The following SEMA5A variants were observed in gnomAD, a reference collection of about 807,000 sequenced individuals.
SEMA5A encodes the protein semaphorin-5A.
SEMA5A carries 55 observed loss-of-function variants against 135.5 expected under a neutral mutation model. That is an observed-to-expected ratio of 0.41 (90% CI 0.33 to 0.51). SEMA5A has a LOEUF of 0.51. Ranked by LOEUF, SEMA5A falls within the 20% of genes least tolerant of loss-of-function variation. The pLI is 0.37. For missense variants in SEMA5A, 1,290 were observed against 1,419.9 expected, an observed-to-expected ratio of 0.91 and a Z score of 1.47; for synonymous variants, 580 against 546.5, an observed-to-expected ratio of 1.06 and a Z score of -0.85.
intron 3 of SEMA5A, among the ~76,000 whole-genome samples, chr5:9,342,535 G>A (rs375886792): frequency 6.6e-6 from 1 of 152,284 alleles, no homozygotes; most frequent in African/African-American, 2.4e-5. Flanking sequence ...GGGGCCAGGG[G>A]ACGGTGGGTA....
At chr5:9,120,506 A>T (rs1223889870) in intron 14 of SEMA5A, among the ~76,000 whole-genome samples, 1 of 152,182 alleles carries the variant, frequency 6.6e-6, no homozygotes, top group African/African-American at 2.4e-5. Flanking sequence ...TAATAATATA[A>T]CCAAAATTAT....
chr5:9,355,584 C>G (rs139527379), intron 3 of SEMA5A, among the ~76,000 whole-genome samples: 66 of 152,182 alleles, frequency 4.3e-4, no homozygotes, highest in African/African-American at 1.5e-3. Flanking sequence ...ATAGTTCTTT[C>G]CTGGATGTCT....
At chr5:9,077,341 G>C (rs1413752954) in intron 16 of SEMA5A, among the ~76,000 whole-genome samples, 2 of 152,134 alleles carry the variant, frequency 1.3e-5, no homozygotes, top group Non-Finnish European at 2.9e-5. Flanking sequence ...GACAAACTCA[G>C]TATACGCTAG....
At chr5:9,212,821 C>T (rs2075245624) in intron 8 of SEMA5A, among the ~76,000 whole-genome samples, 2 of 152,158 alleles carry the variant, frequency 1.3e-5, no homozygotes, top group South Asian at 2.1e-4. Flanking sequence ...AGAGCCCCTG[C>T]CCTTAAGGAA....
intron 2 of SEMA5A, among the ~76,000 whole-genome samples, chr5:9,397,358 G>C (rs972433585): frequency 6.6e-6 from 1 of 152,328 alleles, no homozygotes; most frequent in East Asian, 1.9e-4. Flanking sequence ...TTCCAGCTCA[G>C]CCACTTCCTG....
At chr5:9,056,998 A>T (rs1736928926) in intron 18 of SEMA5A, among the ~76,000 whole-genome samples, 2 of 152,230 alleles carry the variant, frequency 1.3e-5, no homozygotes, top group Admixed American at 6.5e-5. Context: ...AGGGGAGGAC[A>T]TTATGCTATG....
intron 16 of SEMA5A, among the ~76,000 whole-genome samples, chr5:9,106,836 A>G (rs183339885): frequency 2.0e-5 from 3 of 152,342 alleles, no homozygotes; most frequent in Admixed American, 2.0e-4. Flanking sequence ...GCTGATCTGG[A>G]AAGAAGTGTC....
intron 11 of SEMA5A, among the ~76,000 whole-genome samples, chr5:9,180,901 G>A (rs1330255170): frequency 6.6e-6 from 1 of 152,160 alleles, no homozygotes; most frequent in Non-Finnish European, 1.5e-5. Flanking sequence ...AACATTGTTT[G>A]TCTTTTCTAC....
chr5:9,538,345 T>C (rs1446758707), intron 1 of SEMA5A, among the ~76,000 whole-genome samples: 1 of 152,144 alleles, frequency 6.6e-6, no homozygotes, highest in East Asian at 1.9e-4. Flanking sequence ...AACTCTGCAT[T>C]CTGCCACTGG....
intron 11 of SEMA5A, among the ~76,000 whole-genome samples, chr5:9,164,026 ATATT>A (rs1447425947): frequency 7.0e-6 from 1 of 143,450 alleles, no homozygotes; most frequent in Non-Finnish European, 1.5e-5. Context: ...TATAATATAA[ATATT>A]TATATAATAT....
intron 5 of SEMA5A, among the ~76,000 whole-genome samples, chr5:9,289,696 T>C (rs1750983325): frequency 6.6e-6 from 1 of 152,014 alleles, no homozygotes; most frequent in African/African-American, 2.4e-5. Context: ...ATTACATCAT[T>C]GGCTGTTTTT....
intron 5 of SEMA5A, among the ~76,000 whole-genome samples, chr5:9,301,403 A>C (rs1351723951): frequency 4.6e-5 from 7 of 152,196 alleles, no homozygotes; most frequent in Admixed American, 6.5e-5. Context: ...CAAGCCCTTC[A>C]GGCTCTCTGG....
chr5:9,353,626 A>C (rs1424189864), intron 3 of SEMA5A, among the ~76,000 whole-genome samples: 1 of 152,150 alleles, frequency 6.6e-6, no homozygotes, highest in East Asian at 1.9e-4. Context: ...AATAAGGAGG[A>C]GCACTTCCAC....
At chr5:9,426,276 T>C (rs1188126396) in intron 2 of SEMA5A, among the ~76,000 whole-genome samples, 2 of 151,596 alleles carry the variant, frequency 1.3e-5, no homozygotes, top group East Asian at 3.9e-4. Context: ...ATACAAAAAA[T>C]TAGCCTGGCG....
At position 9,054,122 on chromosome 5, in the gene SEMA5A, G is replaced by A. The variant is rs976131455; in HGVS notation, c.2654C>T (p.Thr885Ile). 6.2e-7 allele frequency: 1 copy of A among 1,613,554 alleles called. No individual in the cohort carries two copies. The highest frequency in any genetic ancestry group is 8.5e-7 in the Non-Finnish European group (1 of 1,179,844). The change falls in exon 19 of 23, where the codon ACA becomes ATA. Residue 885 changes from threonine to isoleucine, a missense_variant. Thr to Ile is a moderately conservative substitution (Grantham distance 89). Coordinates refer to ENST00000382496, the MANE Select transcript of SEMA5A (RefSeq NM_003966.3). ...CTGCGTGTTGCAGAGTGCCTCTTCT[G>A]TGTGCAGCCCCAGGCAGATGTCCCC... ...YGGDICLGLHTEEALCNTQPC... is the reference protein window; with the variant it reads ...YGGDICLGLHIEEALCNTQPC...
intron 1 of SEMA5A, among the ~76,000 whole-genome samples, chr5:9,534,858 C>A (rs1737668926): frequency 6.6e-6 from 1 of 152,176 alleles, no homozygotes; most frequent in Admixed American, 6.5e-5. Flanking sequence ...CCTCAATAGA[C>A]AATTCCTCAA....
chr5:9,255,389 C>G (rs1438023829), intron 5 of SEMA5A, among the ~76,000 whole-genome samples: 1 of 152,154 alleles, frequency 6.6e-6, no homozygotes, highest in Non-Finnish European at 1.5e-5. Flanking sequence ...GGATGAGGAC[C>G]CTCATGTGAA....
chr5:9,445,057 T>TATAGATATTTTGTCTTC (rs1758380559), intron 1 of SEMA5A, among the ~76,000 whole-genome samples: 2 of 152,236 alleles, frequency 1.3e-5, no homozygotes, highest in Admixed American at 6.5e-5. Flanking sequence ...ATCAGATCGT[T>TATAGATATTTTGTCTTC]ATAGATATCC....
chr5:9,247,117 G>A (rs1748522767), intron 5 of SEMA5A, among the ~76,000 whole-genome samples: 1 of 152,206 alleles, frequency 6.6e-6, no homozygotes, highest in African/African-American at 2.4e-5. Flanking sequence ...GAATGCAAAT[G>A]AAGGTGCAGA....
Sources: allele counts gnomAD v4.1 joint callset (sites outside exome capture counted in the v4.1 genomes callset), GRCh38; gene constraint gnomAD v4.1.1; transcripts MANE v1.5; gene names NCBI Gene and HGNC (gene_info 2026-07-23, HGNC 2026-07-21).